Variants in SYT1 observed in about 807,000 individuals in gnomAD.
SYT1 encodes the protein synaptotagmin 1, also known as synaptotagmin-1.
Under a neutral mutation model 44.8 loss-of-function variants are expected in SYT1, and 8 were observed. The ratio of observed to expected loss-of-function variants is 0.18; its 90% CI spans 0.10 to 0.32. SYT1 has a LOEUF of 0.32. Among genes scored for constraint, SYT1 ranks in the 10% least tolerant of loss-of-function variants. The pLI is 1.00. For missense variants in SYT1, 286 were observed against 509.3 expected (o/e 0.56, Z 4.22); for synonymous variants, 154 against 188.8 (o/e 0.82, Z 1.51).
chr12:79,120,837 G>C (rs970867751), intron 3 of SYT1, among the ~76,000 whole-genome samples: 11 of 152,048 alleles, frequency 7.2e-5, no homozygotes, highest in African/African-American at 2.4e-4. Context: ...TAGCAGTTCA[G>C]TGACTTTAAT....
At chr12:78,894,330 GTTTTTTTTTTTTTTTTTTTTTT>G (rs566175647) in intron 1 of SYT1, among the ~76,000 whole-genome samples, 2 of 27,732 alleles carry the variant, frequency 7.2e-5, no homozygotes, top group Non-Finnish European at 6.6e-5. Flanking sequence ...TTTTTAATCT[GTTTTTTTTTTTTTTTTTTTTTT>G]TTTTTTTTTT....
intron 1 of SYT1, among the ~76,000 whole-genome samples, chr12:78,956,305 G>A (rs1236785708): frequency 1.3e-5 from 2 of 152,002 alleles, no homozygotes; most frequent in Admixed American, 1.3e-4. Context: ...AAATAATCTG[G>A]AGACACACTT....
intron 4 of SYT1, among the ~76,000 whole-genome samples, chr12:79,232,494 C>G (rs1323215942): frequency 6.6e-6 from 1 of 152,036 alleles, no homozygotes; most frequent in Non-Finnish European, 1.5e-5. Context: ...TACAAATTGT[C>G]TCCTCTGCCT....
chr12:79,278,558 A>G (rs551143751), intron 4 of SYT1, among the ~76,000 whole-genome samples: 3 of 152,110 alleles, frequency 2.0e-5, no homozygotes, highest in Non-Finnish European at 4.4e-5. Context: ...CTACACAAAA[A>G]AGACAGAAAC....
At chr12:79,225,390 T>C (rs190858934) in intron 4 of SYT1, among the ~76,000 whole-genome samples, 384 of 152,300 alleles carry the variant, frequency 2.5e-3, no homozygotes, top group African/African-American at 8.8e-3. Flanking sequence ...CAGGAAGACT[T>C]GTAAGCCAGT....
intron 3 of SYT1, among the ~76,000 whole-genome samples, chr12:79,146,713 A>T (rs749056574): frequency 6.6e-6 from 1 of 152,228 alleles, no homozygotes; most frequent in Non-Finnish European, 1.5e-5. Flanking sequence ...GATATGGTAG[A>T]AGAATAAACA....
intron 8 of SYT1, among the ~76,000 whole-genome samples, chr12:79,319,838 G>T (rs73352944): frequency 6.6e-6 from 1 of 152,084 alleles, no homozygotes; most frequent in Non-Finnish European, 1.5e-5. Flanking sequence ...CTGGAAAAAC[G>T]CAATAATGTC....
chr12:79,415,889 T>C (rs1482950437), intron 9 of SYT1, among the ~76,000 whole-genome samples: 1 of 152,196 alleles, frequency 6.6e-6, no homozygotes, highest in Non-Finnish European at 1.5e-5. Context: ...GAACTAGTTC[T>C]GCTAGCTTAA....
chr12:78,989,491 A>T (rs1388744850), intron 2 of SYT1, among the ~76,000 whole-genome samples: 1 of 152,080 alleles, frequency 6.6e-6, no homozygotes, highest in Admixed American at 6.6e-5. Flanking sequence ...CCCCGTTCCC[A>T]GACTTTGTGC....
chr12:78,950,279 T>G (rs991245856), intron 1 of SYT1, among the ~76,000 whole-genome samples: 1 of 152,100 alleles, frequency 6.6e-6, no homozygotes, highest in Non-Finnish European at 1.5e-5. Flanking sequence ...CTACAGTGTT[T>G]AATTAAATAA....
chr12:79,086,943 T>C (rs553957076), intron 3 of SYT1, among the ~76,000 whole-genome samples: 8 of 152,298 alleles, frequency 5.3e-5, no homozygotes, highest in African/African-American at 1.7e-4. Flanking sequence ...CCAATCACCA[T>C]TGTAATACTC....
At chr12:79,171,100 C>T (rs557618698) in intron 3 of SYT1, among the ~76,000 whole-genome samples, 245 of 151,916 alleles carry the variant, frequency 1.6e-3, no homozygotes, top group African/African-American at 5.6e-3. Flanking sequence ...TGTAGCCCTA[C>T]AATATAGTTT....
intron 3 of SYT1, among the ~76,000 whole-genome samples, chr12:79,092,800 G>A (rs1565802928): frequency 6.6e-6 from 1 of 151,660 alleles, no homozygotes; most frequent in Non-Finnish European, 1.5e-5. Context: ...CTGACTGCAA[G>A]ATGCTTTTAG....
intron 1 of SYT1, among the ~76,000 whole-genome samples, chr12:78,887,137 T>C (rs1206503896): frequency 6.6e-6 from 1 of 151,954 alleles, no homozygotes; most frequent in Non-Finnish European, 1.5e-5. Context: ...AATAAACTAT[T>C]TGTATGTTTT....
At chr12:79,181,348 G>A (rs1205959617) in intron 3 of SYT1, among the ~76,000 whole-genome samples, 1 of 151,996 alleles carries the variant, frequency 6.6e-6, no homozygotes, top group Non-Finnish European at 1.5e-5. Flanking sequence ...ATTTGGAGTG[G>A]AAAGAAATCT....
intron 1 of SYT1, among the ~76,000 whole-genome samples, chr12:78,967,577 G>A (rs989619461): frequency 6.6e-6 from 1 of 152,118 alleles, no homozygotes; most frequent in South Asian, 2.1e-4. Context: ...CAGATACTGG[G>A]CTAGGAAACA....
intron 1 of SYT1, among the ~76,000 whole-genome samples, chr12:78,894,723 C>T (rs1425128152): frequency 1.3e-5 from 2 of 151,446 alleles, no homozygotes; most frequent in Non-Finnish European, 1.5e-5. Flanking sequence ...AAAAGTCAAA[C>T]TCATAGAAAC....
At chr12:78,958,308 C>T (rs1879319423) in intron 1 of SYT1, among the ~76,000 whole-genome samples, 1 of 152,026 alleles carries the variant, frequency 6.6e-6, no homozygotes, top group Admixed American at 6.6e-5. Context: ...TCTATAAGTT[C>T]CTTGCCATGT....
At chr12:79,396,763 C>T (rs544509378) in intron 9 of SYT1, among the ~76,000 whole-genome samples, 2 of 152,162 alleles carry the variant, frequency 1.3e-5, no homozygotes, top group South Asian at 4.1e-4. Context: ...TTATTTGGTG[C>T]CAGGCATTAT....
Sources: allele counts gnomAD v4.1 joint callset (sites outside exome capture counted in the v4.1 genomes callset), GRCh38; gene constraint gnomAD v4.1.1; transcripts MANE v1.5; gene names NCBI Gene and HGNC (gene_info 2026-07-23, HGNC 2026-07-21).